PTPN13: variants seen among roughly 807,000 people sequenced by gnomAD.
The protein encoded by PTPN13 is protein tyrosine phosphatase non-receptor type 13.
Under a neutral mutation model 284.0 loss-of-function variants are expected in PTPN13, and 191 were observed. That is an observed-to-expected ratio of 0.67 (90% CI 0.60 to 0.76). The LOEUF is 0.76. Among genes scored for constraint, PTPN13 ranks in the 30% least tolerant of loss-of-function variants. PTPN13 has a pLI of 0.00. For missense variants in PTPN13, 2,797 were observed against 2,939.9 expected, an observed-to-expected ratio of 0.95 and a Z score of 1.12; for synonymous variants, 986 against 1,022.3, an observed-to-expected ratio of 0.96 and a Z score of 0.68.
At chr4:86,785,206 C>T in intron 38 of PTPN13, 25 bp from the exon 39 acceptor site, 4 of 1,454,190 alleles carry the variant, frequency 2.8e-6, no homozygotes, top group African/African-American at 1.4e-5. Flanking sequence ...AAAGTAAAAC[C>T]CCATGTAAAT....
rs1457678846 is a variant in PTPN13 at position 86,693,688 on chromosome 4, A to T, written c.634+14A>T. On this transcript the variant is annotated intron_variant, in intron 6 of 47. Transcript: ENST00000411767. ...GATTACCAACAGGTAAGAGTATATT[A>T]ATAGGAAATGTCTAGGCTTTAACCT... 1 of 1,515,948 alleles carries T rather than the reference A, an allele frequency of 6.6e-7. No individual in the cohort carries two copies. The highest frequency in any genetic ancestry group is 1.2e-5 in the South Asian group (1 of 80,960). The allele number at this position is 1,515,948 out of a possible 1,614,324, so 93.9% of individuals were successfully genotyped here. A position where few individuals can be genotyped will look rare whatever the true frequency, so the allele number is the denominator to read the frequency against.
At chr4:86,768,269 A>G (rs2149265216) in intron 28 of PTPN13, among the ~76,000 whole-genome samples, 1 of 152,322 alleles carries the variant, frequency 6.6e-6, no homozygotes, top group Non-Finnish European at 1.5e-5. Flanking sequence ...ATAAAGAAAA[A>G]CAAATGCTGA....
chr4:86,638,469 A>G (rs1723329694), intron 2 of PTPN13, among the ~76,000 whole-genome samples: 1 of 152,198 alleles, frequency 6.6e-6, no homozygotes, highest in Non-Finnish European at 1.5e-5. Context: ...TGGTACTGGT[A>G]CCACAACAGA....
intron 46 of PTPN13, among the ~76,000 whole-genome samples, chr4:86,810,481 T>C (rs1301457461): frequency 6.6e-6 from 1 of 152,194 alleles, no homozygotes; most frequent in African/African-American, 2.4e-5. Context: ...AGTATAATCT[T>C]ACTTTTGAAC....
At chr4:86,774,073 T>C (rs1217468205) in intron 32 of PTPN13, among the ~76,000 whole-genome samples, 1 of 152,128 alleles carries the variant, frequency 6.6e-6, no homozygotes, top group Non-Finnish European at 1.5e-5. Flanking sequence ...CACTATTGTG[T>C]CCTTATTTAT....
chr4:86,616,523 A>C, intron 1 of PTPN13, among the ~76,000 whole-genome samples: 1 of 113,654 alleles, frequency 8.8e-6, no homozygotes, highest in African/African-American at 3.4e-5. Context: ...CCTGGTTGGG[A>C]GGTATTTAGA....
chr4:86,748,717 G>A (rs541423006), intron 17 of PTPN13, among the ~76,000 whole-genome samples: 3 of 151,944 alleles, frequency 2.0e-5, no homozygotes, highest in East Asian at 1.9e-4. Context: ...GTGCAGTGGC[G>A]CGATCTCAGC....
At chr4:86,643,570 C>G (rs1045990305) in intron 2 of PTPN13, among the ~76,000 whole-genome samples, 5 of 152,080 alleles carry the variant, frequency 3.3e-5, no homozygotes, top group African/African-American at 7.2e-5. Flanking sequence ...ATATTATGTT[C>G]TGTTTTTTAT....
intron 26 of PTPN13, 91 bp from the exon 27 acceptor site, chr4:86,766,341 C>T: frequency 3.1e-6 from 3 of 981,604 alleles, no homozygotes; most frequent in Non-Finnish European, 4.5e-6. Context: ...TGCCTGAGTC[C>T]CTCCTCAAAC....
Position 86,701,341 on chromosome 4 carries a change from C to T in PTPN13, c.735C>T (p.Ser245=). Residue 245 remains serine, a synonymous_variant, in exon 7 of 48, where the codon TCC becomes TCT. Coordinates refer to ENST00000411767, the MANE Select transcript of PTPN13 (RefSeq NM_080683.3). ...TTAGTAAATCTATGGGATTTCTGTC[C>T]ATCAAAGATACACAAGATGAGAATT... ...KGLSKSMGFL[S]IKDTQDENYF... is the part of the protein sequence containing the mutation. 6.2e-7 allele frequency: 1 copy of T among 1,612,184 alleles called. No homozygotes were observed. The highest frequency in any genetic ancestry group is 1.1e-5 in the South Asian group (1 of 90,890).
At chr4:86,747,549 G>GGCAGCAGCAGCA (rs78831573) in intron 17 of PTPN13, among the ~76,000 whole-genome samples, 7 of 143,720 alleles carry the variant, frequency 4.9e-5, no homozygotes, top group African/African-American at 7.8e-5. Flanking sequence ...CAGCAGCAGC[G>GGCAGCAGCAGCA]GCAGCAGCAG....
chr4:86,644,417 G>C (rs1724180729), intron 2 of PTPN13, among the ~76,000 whole-genome samples: 1 of 152,120 alleles, frequency 6.6e-6, no homozygotes, highest in South Asian at 2.1e-4. Flanking sequence ...TAGGATTACA[G>C]GCATGAGCCA....
At chr4:86,768,011 A>G in intron 28 of PTPN13, 35 bp downstream of exon 28, 1 of 1,579,780 alleles carries the variant, frequency 6.3e-7, no homozygotes, top group Non-Finnish European at 8.6e-7. Context: ...TCACCTTTAA[A>G]TTATTCCTCG....
chr4:86,789,684 A>G (rs1056072965), intron 40 of PTPN13, among the ~76,000 whole-genome samples: 2 of 152,160 alleles, frequency 1.3e-5, no homozygotes, highest in African/African-American at 2.4e-5. Flanking sequence ...TCTTAAATAT[A>G]TTCAGTGAGG....
Position 86,785,244 on chromosome 4 carries a change from A to G in PTPN13, c.6132A>G (p.Gln2044=), listed in dbSNP as rs535903489. 2.6e-6 allele frequency: 4 copies of G among 1,551,726 alleles called. No individual in the cohort carries two copies. The African/African-American group carries it at 4.1e-5, about 16-fold the overall frequency. The change falls in exon 39 of 48, where the codon CAA becomes CAG. Residue 2044 remains glutamine, a synonymous_variant. Coordinates refer to ENST00000411767, the MANE Select transcript of PTPN13 (RefSeq NM_080683.3). ...TTATTTTTCAAGAATCTTATATACA[A>G]GAAGATGACATTTATGATGATTCCC... The part of the protein sequence containing the change: ...NLTLPKESYI[Q]EDDIYDDSQE...
At chr4:86,670,791 C>A (rs1727642813) in intron 2 of PTPN13, among the ~76,000 whole-genome samples, 1 of 152,160 alleles carries the variant, frequency 6.6e-6, no homozygotes, top group African/African-American at 2.4e-5. Context: ...TCTTTTCCAG[C>A]TAGATTGTGT....
intron 1 of PTPN13, among the ~76,000 whole-genome samples, chr4:86,629,956 G>C (rs1466207465): frequency 1.3e-5 from 2 of 151,882 alleles, no homozygotes; most frequent in African/African-American, 2.4e-5. Context: ...ATATAGAGAC[G>C]AGGTATCGCT....
chr4:86,781,012 A>T (rs1741237381), intron 36 of PTPN13, among the ~76,000 whole-genome samples: 2 of 152,106 alleles, frequency 1.3e-5, no homozygotes, highest in Admixed American at 6.6e-5. Context: ...TATGTTTCAT[A>T]CTCTGCCAAT....
chr4:86,725,809 A>T (rs1200033233), intron 10 of PTPN13, among the ~76,000 whole-genome samples: 1 of 148,678 alleles, frequency 6.7e-6, no homozygotes, highest in Non-Finnish European at 1.5e-5. Context: ...CCATACAGAC[A>T]CTCTTTAGTT....
Sources: gnomAD v4.1 joint callset for allele counts (sites outside exome capture counted in the v4.1 genomes callset) on GRCh38, gnomAD v4.1.1 for gene constraint, MANE v1.5 for transcripts, NCBI Gene and HGNC (gene_info 2026-07-23, HGNC 2026-07-21) for gene names.